The following RASGRF2 variants were observed in gnomAD, a reference collection of about 807,000 sequenced individuals.
RASGRF2 encodes ras-specific guanine nucleotide-releasing factor 2.
A neutral mutation model predicts 151.0 loss-of-function variants in RASGRF2; 76 were observed. The ratio of observed to expected loss-of-function variants is 0.50; its 90% CI spans 0.42 to 0.61. The LOEUF (loss-of-function observed/expected upper bound fraction) is 0.61. Ranked by LOEUF, RASGRF2 falls within the 20% of genes least tolerant of loss-of-function variation. RASGRF2 has a pLI of 0.00. For missense variants in RASGRF2, 1,148 were observed against 1,564.6 expected (o/e 0.73, Z 4.49); for synonymous variants, 504 against 566.5 (o/e 0.89, Z 1.57).
intron 18 of RASGRF2, among the ~76,000 whole-genome samples, chr5:81,196,749 T>C (rs56323619): frequency 6.6e-6 from 1 of 152,062 alleles, no homozygotes; most frequent in Non-Finnish European, 1.5e-5. Flanking sequence ...TAATCGTGCA[T>C]TTATGATAAT....
At chr5:81,198,583 G>A (rs62364986) in intron 18 of RASGRF2, among the ~76,000 whole-genome samples, 6,303 of 152,254 alleles carry the variant, frequency 0.041, 179 homozygotes, top group Non-Finnish European at 0.065. Flanking sequence ...GGGATTACAG[G>A]TGACTGCCAC....
intron 2 of RASGRF2, among the ~76,000 whole-genome samples, chr5:81,053,370 G>A (rs1410705862): frequency 6.9e-6 from 1 of 145,820 alleles, no homozygotes; most frequent in African/African-American, 2.6e-5. Context: ...GTGAGAACAT[G>A]CGGTGTTTGG....
intron 17 of RASGRF2, among the ~76,000 whole-genome samples, chr5:81,155,293 T>C (rs541523476): frequency 2.3e-3 from 350 of 151,914 alleles, no homozygotes; most frequent in Non-Finnish European, 4.0e-3. Context: ...CCCTCAGAAA[T>C]TGGTAAAAGG....
intron 15 of RASGRF2, among the ~76,000 whole-genome samples, chr5:81,118,831 T>C (rs2112557422): frequency 6.6e-6 from 1 of 152,352 alleles, no homozygotes; most frequent in East Asian, 1.9e-4. Context: ...TACTCTGAAG[T>C]TCTACCTTCC....
At chr5:80,981,886 A>G (rs1244578143) in intron 1 of RASGRF2, among the ~76,000 whole-genome samples, 5 of 152,354 alleles carry the variant, frequency 3.3e-5, no homozygotes, top group Admixed American at 2.6e-4. Flanking sequence ...TGCTTTTTAA[A>G]AAGCAAAGCA....
chr5:81,076,437 G>A (rs1470852986), intron 5 of RASGRF2, among the ~76,000 whole-genome samples: 2 of 152,264 alleles, frequency 1.3e-5, no homozygotes, highest in African/African-American at 4.8e-5. Flanking sequence ...TAGTTAGGAG[G>A]CAAGGACATC....
intron 10 of RASGRF2, among the ~76,000 whole-genome samples, chr5:81,093,389 G>A (rs1411735125): frequency 1.3e-5 from 2 of 152,080 alleles, no homozygotes; most frequent in African/African-American, 2.4e-5. Flanking sequence ...CTTAGAGCCT[G>A]TTTTTGTTAA....
At chr5:81,146,567 C>T (rs1379593898) in intron 17 of RASGRF2, among the ~76,000 whole-genome samples, 1 of 152,056 alleles carries the variant, frequency 6.6e-6, no homozygotes, top group Non-Finnish European at 1.5e-5. Context: ...TTTTGTGATT[C>T]TGGGACGAAA....
chr5:81,210,109 C>T (rs980238687), intron 22 of RASGRF2: 2 of 152,592 alleles, frequency 1.3e-5, no homozygotes, highest in Non-Finnish European at 2.9e-5. Flanking sequence ...ACCTCACTGC[C>T]CTCCAATCCA....
At chr5:81,159,475 C>T (rs769692573) in intron 17 of RASGRF2, among the ~76,000 whole-genome samples, 6 of 152,194 alleles carry the variant, frequency 3.9e-5, no homozygotes, top group African/African-American at 7.2e-5. Flanking sequence ...ACGTACTCTA[C>T]GATTCCTTTA....
chr5:81,100,707 T>C (rs1752676460), intron 12 of RASGRF2, among the ~76,000 whole-genome samples: 1 of 152,246 alleles, frequency 6.6e-6, no homozygotes, highest in Non-Finnish European at 1.5e-5. Context: ...AATTTATCTC[T>C]GAGCTTCTTG....
At chr5:81,188,156 G>A (rs1220028701) in intron 18 of RASGRF2, among the ~76,000 whole-genome samples, 1 of 152,114 alleles carries the variant, frequency 6.6e-6, no homozygotes, top group Non-Finnish European at 1.5e-5. Context: ...CCGGGCTCGT[G>A]TCAGTTGGCC....
chr5:81,168,675 C>T (rs1208698029), intron 17 of RASGRF2, among the ~76,000 whole-genome samples: 1 of 152,148 alleles, frequency 6.6e-6, no homozygotes, highest in Non-Finnish European at 1.5e-5. Context: ...TTTCAAAGCA[C>T]AATGTGTTGA....
intron 18 of RASGRF2, chr5:81,183,138 C>T (rs990211507): frequency 2.1e-6 from 2 of 965,178 alleles, no homozygotes; most frequent in Non-Finnish European, 2.5e-6. Context: ...TACAGCCAAG[C>T]ATGGTAACAG....
At position 80,974,929 on chromosome 5, in the gene RASGRF2, A is replaced by T. The variant is rs562584953; in HGVS notation, c.288+13903A>T. Among the ~76,000 whole-genome samples the T allele has an allele frequency of 1.7e-4, 26 of 152,242 alleles. 1 individual carries two copies. The South Asian group carries it at 5.4e-3, about 32-fold the overall frequency. On this transcript the variant is annotated intron_variant, in intron 1 of 26. Coordinates refer to ENST00000265080, the MANE Select transcript of RASGRF2 (RefSeq NM_006909.3). ...AGGCATTAGTGTGGGGGCACATTCT[A>T]TTAATCCATTTTGGGATTGAGCTGG...
intron 1 of RASGRF2, among the ~76,000 whole-genome samples, chr5:81,030,924 A>C (rs1750219847): frequency 6.6e-6 from 1 of 152,240 alleles, no homozygotes; most frequent in Non-Finnish European, 1.5e-5. Flanking sequence ...GCAGAGACAC[A>C]CATTGGCTCA....
At chr5:81,093,893 G>A (rs1317195902) in intron 10 of RASGRF2, among the ~76,000 whole-genome samples, 1 of 152,006 alleles carries the variant, frequency 6.6e-6, no homozygotes, top group Non-Finnish European at 1.5e-5. Flanking sequence ...AGTTTGCCTA[G>A]ATAGGCAAAC....
intron 17 of RASGRF2, among the ~76,000 whole-genome samples, chr5:81,145,639 G>A (rs1038452499): frequency 6.6e-6 from 1 of 152,142 alleles, no homozygotes; most frequent in African/African-American, 2.4e-5. Context: ...CATGAGGAGA[G>A]TCGCACAGGG....
intron 17 of RASGRF2, among the ~76,000 whole-genome samples, chr5:81,155,406 C>A (rs1754236971): frequency 6.6e-6 from 1 of 151,720 alleles, no homozygotes; most frequent in African/African-American, 2.4e-5. Context: ...TTTAAAAAGC[C>A]AAAAGTGCTG....
Sources: gnomAD v4.1 joint callset for allele counts (sites outside exome capture counted in the v4.1 genomes callset) on GRCh38, gnomAD v4.1.1 for gene constraint, MANE v1.5 for transcripts, NCBI Gene and HGNC (gene_info 2026-07-23, HGNC 2026-07-21) for gene names.